The following MYLK2 variants were observed in gnomAD, a reference collection of about 807,000 sequenced individuals.
MYLK2 encodes the protein myosin light chain kinase 2, skeletal/cardiac muscle.
MYLK2 carries 27 observed loss-of-function variants against 58.2 expected under a neutral mutation model. The observed-to-expected ratio is 0.46, with a 90% CI of 0.34 to 0.64. MYLK2 has a LOEUF of 0.64. Among genes scored for constraint, MYLK2 ranks in the 30% least tolerant of loss-of-function variants. The pLI, the probability that MYLK2 is intolerant of heterozygous loss-of-function variation, is 0.01. For missense variants in MYLK2, 676 were observed against 764.3 expected, an observed-to-expected ratio of 0.88 and a Z score of 1.36; for synonymous variants, 310 against 296.7, an observed-to-expected ratio of 1.04 and a Z score of -0.46.
At chr20:31,831,909 G>A (rs1246761052) in intron 11 of MYLK2, 54 bp downstream of exon 11, 37 of 1,613,592 alleles carry the variant, frequency 2.3e-5, no homozygotes, top group Non-Finnish European at 3.1e-5. Flanking sequence ...GTGTGTCTGA[G>A]TGCTGGCAGG....
intron 8 of MYLK2, chr20:31,828,782 G>C: frequency 1.1e-6 from 1 of 948,050 alleles, no homozygotes; most frequent in Non-Finnish European, 1.3e-6. Context: ...TGGGTTAGGT[G>C]TGTTAATATC....
At chr20:31,832,253 G>A in intron 12 of MYLK2, 117 bp downstream of exon 12, 2 of 1,423,832 alleles carry the variant, frequency 1.4e-6, no homozygotes, top group Non-Finnish European at 1.9e-6. Context: ...GCTGGGCCCT[G>A]TCCGGAAGAC....
intron 8 of MYLK2, among the ~76,000 whole-genome samples, chr20:31,827,941 G>T (rs1405543070): frequency 6.8e-6 from 1 of 147,076 alleles, no homozygotes; most frequent in Admixed American, 6.8e-5. Flanking sequence ...AGGCTGGAGT[G>T]CAGTGGTGTG....
intron 12 of MYLK2, 77 bp downstream of exon 12, chr20:31,832,213 G>T (rs1272238997): frequency 6.4e-7 from 1 of 1,552,520 alleles, no homozygotes; most frequent in Non-Finnish European, 8.7e-7. Context: ...AGCCTCCACC[G>T]TCCCTGCCTT....
Position 31,820,169 on chromosome 20 carries a change from A to G in MYLK2, c.96A>G (p.Ala32=). 1 of 1,614,010 alleles carries G rather than the reference A, an allele frequency of 6.2e-7. No individual in the cohort carries two copies. The highest frequency in any genetic ancestry group is 8.5e-7 in the Non-Finnish European group (1 of 1,180,010). Residue 32 remains alanine, a synonymous_variant, in exon 3 of 13, where the codon GCA becomes GCG. Coordinates refer to ENST00000375985, the MANE Select transcript of MYLK2 (RefSeq NM_033118.4). ...KGPTGERPLA[A]GKDPGPPDPK... ...CCACAGGTGAAAGACCCCTGGCTGC[A>G]GGGAAAGACCCTGGCCCCCCAGACC... is the stretch of plus-strand genomic sequence containing the variant.
In MYLK2 at chr20:31,827,319, C is replaced by G. The variant is rs566498677; in HGVS notation, c.1224+381C>G. ...GGCCCATGATAGGTACTAGGAGTGTCTGATCATTTATTCAAAAGCAACAAA... is the reference window on the plus strand; with the variant it reads ...GGCCCATGATAGGTACTAGGAGTGTGTGATCATTTATTCAAAAGCAACAAA... On this transcript the variant is annotated intron_variant, in intron 8 of 12. Transcript: ENST00000375985. The G allele has an allele frequency of 4.1e-6, 4 of 985,262 alleles. No individual in the cohort carries two copies. The East Asian group carries it at 4.5e-4, about 112-fold the overall frequency. 61.0% of individuals were successfully genotyped at this position (985,262 alleles called of 1,614,324 possible).
intron 8 of MYLK2, among the ~76,000 whole-genome samples, chr20:31,829,149 C>A (rs1178855206): frequency 1.3e-5 from 2 of 152,186 alleles, no homozygotes; most frequent in African/African-American, 4.8e-5. Context: ...AGGCTAATTT[C>A]TTTGGGGCAG....
At chr20:31,828,482 A>G in intron 8 of MYLK2, 1 of 984,986 alleles carries the variant, frequency 1.0e-6, no homozygotes, top group Non-Finnish European at 1.2e-6. Flanking sequence ...CTGCTCCTGG[A>G]AGGCCCCGTG....
intron 8 of MYLK2, among the ~76,000 whole-genome samples, chr20:31,830,096 G>A (rs186290705): frequency 2.0e-4 from 31 of 152,290 alleles, no homozygotes; most frequent in Middle Eastern, 3.4e-3. Flanking sequence ...TGGCTCCGTC[G>A]CTTACTTGCT....
chr20:31,823,654 C>G lies in MYLK2; in HGVS notation c.878+72C>G, dbSNP rs896008726. 29 of 1,442,766 alleles carry G rather than the reference C, an allele frequency of 2.0e-5. 1 individual carries two copies. Among genetic ancestry groups the G allele is most frequent in the Admixed American group, 1.7e-4 (10 of 59,168 alleles). The allele number at this position is 1,442,766 out of a possible 1,614,324, so 89.4% of individuals were successfully genotyped here. A position where few individuals can be genotyped will look rare whatever the true frequency, so the allele number is the denominator to read the frequency against. ...CGGGCTCCTGTGGCTTCACATTTCCCCTGTGCAAGGCCCAGACACACACCC... is the reference window on the plus strand; with the variant it reads ...CGGGCTCCTGTGGCTTCACATTTCCGCTGTGCAAGGCCCAGACACACACCC... On this transcript the variant is annotated intron_variant, in intron 5 of 12. Coordinates refer to ENST00000375985, the MANE Select transcript of MYLK2 (RefSeq NM_033118.4).
At position 31,828,229 on chromosome 20, in the gene MYLK2, C is replaced by T. The variant is rs1020409353; in HGVS notation, c.1224+1291C>T. ...ATTGCAGCAACTCCAGTCAGTTGTC[C>T]GTAGCTGTCCGGAGCTGAGTGTGGA... On this transcript the variant is annotated intron_variant, in intron 8 of 12. Coordinates refer to ENST00000375985, the MANE Select transcript of MYLK2 (RefSeq NM_033118.4). 5 of 985,202 alleles carry T rather than the reference C, an allele frequency of 5.1e-6. No individual in the cohort carries two copies. The African/African-American group carries it at 7.0e-5, about 14-fold the overall frequency. 61.0% of individuals were successfully genotyped at this position (985,202 alleles called of 1,614,324 possible).
chr20:31,819,507 G>C, intron 1 of MYLK2, 26 bp from the exon 2 acceptor site: 1 of 1,540,828 alleles, frequency 6.5e-7, no homozygotes, highest in African/African-American at 1.4e-5. Flanking sequence ...TGGACAGCCT[G>C]ACACACTCCA....
chr20:31,821,488 A>G lies in MYLK2; in HGVS notation c.523A>G (p.Thr175Ala), dbSNP rs2123127764. 1.2e-6 allele frequency: 2 copies of G among 1,613,918 alleles called. No individual in the cohort carries two copies. The highest frequency in any genetic ancestry group is 1.7e-6 in the Non-Finnish European group (2 of 1,180,034). The change falls in exon 4 of 13, where the codon ACC becomes GCC. Residue 175 changes from threonine (T) to alanine (A), a missense_variant. This residue lies in a region of MYLK2 where 306 missense variants were observed against 296.5 expected (regional missense o/e 1.03). Transcript: ENST00000375985. ...KKPPSEASELTFEGVPMTHSP... is the reference protein window; with the variant it reads ...KKPPSEASELAFEGVPMTHSP... ...GCCCCCAAGCGAGGCATCAGAGCTC[A>G]CCTTTGAAGGGGTGCCCATGACCCA... is the stretch of plus-strand genomic sequence containing the variant.
At chr20:31,820,063 C>A (rs1398220860) in intron 2 of MYLK2, 63 bp from the exon 3 acceptor site, 1 of 1,603,404 alleles carries the variant, frequency 6.2e-7, no homozygotes, top group Non-Finnish European at 8.5e-7. Context: ...GGTCTCTGCC[C>A]AGCCTGGGTG....
Position 31,831,823 on chromosome 20 carries a change from CTT to C in MYLK2, c.1547_1548del (p.Phe516CysfsTer35). The C allele has an allele frequency of 6.2e-7, 1 of 1,614,194 alleles. No homozygotes were observed. Among genetic ancestry groups the C allele is most frequent in the Non-Finnish European group, 8.5e-7 (1 of 1,180,026 alleles). The part of the protein sequence containing the change: ...FEAVSDEAKD[F>X]VSNLIVKDQR... ...AGGCCGTATCAGACGAGGCCAAAGACTTTGTCTCCAACCTCATCGTCAAGGAC... is the reference window on the plus strand; with the variant it reads ...AGGCCGTATCAGACGAGGCCAAAGACTGTCTCCAACCTCATCGTCAAGGAC... On this transcript the variant is annotated frameshift_variant, in exon 11 of 13. Transcript: ENST00000375985. LOFTEE classifies it high-confidence loss of function.
At chr20:31,826,302 A>G (rs1240985201) in intron 6 of MYLK2, among the ~76,000 whole-genome samples, 1 of 152,182 alleles carries the variant, frequency 6.6e-6, no homozygotes, top group Non-Finnish European at 1.5e-5. Context: ...ATGTAAAGTC[A>G]TGAGACTTTA....
At chr20:31,825,948 G>A (rs779187843) in intron 6 of MYLK2, among the ~76,000 whole-genome samples, 14 of 152,210 alleles carry the variant, frequency 9.2e-5, no homozygotes, top group African/African-American at 1.4e-4. Context: ...GAGGAGGTGC[G>A]AATGATTGGA....
At chr20:31,831,675 C>T (rs1202439194) in intron 10 of MYLK2, 28 bp from the exon 11 acceptor site, 8 of 1,613,272 alleles carry the variant, frequency 5.0e-6, no homozygotes, top group Admixed American at 1.7e-5. Flanking sequence ...ATCTCACCTC[C>T]CTGCCCCCTG....
intron 10 of MYLK2, 53 bp downstream of exon 10, chr20:31,831,194 C>T (rs542183292): frequency 1.9e-6 from 3 of 1,612,740 alleles, no homozygotes; most frequent in Admixed American, 1.7e-5. Context: ...TGGGGGCGAG[C>T]GGCCGAGGCC....
Sources: gnomAD v4.1 joint callset for allele counts (sites outside exome capture counted in the v4.1 genomes callset) on GRCh38, gnomAD v4.1.1 for gene constraint, gnomAD v4.1.1 regional missense constraint, MANE v1.5 for transcripts, NCBI Gene and HGNC (gene_info 2026-07-23, HGNC 2026-07-21) for gene names.